Variants in UNC5B observed in about 807,000 individuals in gnomAD.
UNC5B encodes netrin receptor UNC5B.
UNC5B carries 56 observed loss-of-function variants against 103.7 expected under a neutral mutation model. The observed-to-expected ratio is 0.54, with a 90% CI of 0.44 to 0.67. The LOEUF (loss-of-function observed/expected upper bound fraction) is 0.67, where lower values mean the gene tolerates loss of function less well. Ranked by LOEUF, UNC5B falls within the 30% of genes least tolerant of loss-of-function variation. The pLI is 0.00. For missense variants in UNC5B, 1,194 were observed against 1,284.5 expected, an observed-to-expected ratio of 0.93 and a Z score of 1.08; for synonymous variants, 577 against 542.0, an observed-to-expected ratio of 1.06 and a Z score of -0.90.
chr10:71,249,767 C>T (rs1029199230), intron 1 of UNC5B, among the ~76,000 whole-genome samples: 1 of 152,146 alleles, frequency 6.6e-6, no homozygotes, highest in Non-Finnish European at 1.5e-5. Context: ...AAGGAAAAAC[C>T]AAGGCTGCAG....
intron 1 of UNC5B, among the ~76,000 whole-genome samples, chr10:71,225,118 A>T (rs899966715): frequency 6.6e-6 from 1 of 152,206 alleles, no homozygotes; most frequent in African/African-American, 2.4e-5. Context: ...TCTAAGGCCA[A>T]ATCTGTCTCT....
chr10:71,281,808 G>A (rs977611673), intron 2 of UNC5B, among the ~76,000 whole-genome samples: 9 of 152,332 alleles, frequency 5.9e-5, no homozygotes, highest in African/African-American at 1.4e-4. Context: ...GCCAGGTGGC[G>A]TACACATAGC....
intron 1 of UNC5B, among the ~76,000 whole-genome samples, chr10:71,226,647 C>T (rs1014417839): frequency 4.6e-5 from 7 of 152,254 alleles, no homozygotes; most frequent in Non-Finnish European, 8.8e-5. Flanking sequence ...CTCTGATCAG[C>T]AGCATCCAAT....
Position 71,291,735 on chromosome 10 carries a change from A to T in UNC5B, c.1598A>T (p.Gln533Leu). 6.2e-7 allele frequency: 1 copy of T among 1,611,732 alleles called. No individual in the cohort carries two copies. The change falls in exon 10 of 17, where the codon CAG becomes CTG. Residue 533 changes from glutamine (Q) to leucine (L), a missense_variant. Transcript: ENST00000335350. ...HLRSASLGSQ[Q>L]LLGLPRDPGS... Reference sequence around the variant, plus strand: ...CGCAGCGCCAGCCTCGGTTCCCAGCAGCTCTTGGGCCTGCCCCGAGACCCA... The same window carrying T: ...CGCAGCGCCAGCCTCGGTTCCCAGCTGCTCTTGGGCCTGCCCCGAGACCCA...
At chr10:71,269,663 C>T (rs1326532999) in intron 1 of UNC5B, among the ~76,000 whole-genome samples, 9 of 152,090 alleles carry the variant, frequency 5.9e-5, no homozygotes, top group African/African-American at 2.2e-4. Context: ...ATCTACACCG[C>T]AAACAAGATT....
At chr10:71,297,014 T>C (rs1326783611) in intron 15 of UNC5B, among the ~76,000 whole-genome samples, 1 of 142,604 alleles carries the variant, frequency 7.0e-6, no homozygotes. Flanking sequence ...CGGCCAGATA[T>C]TCCGGCTGCA....
intron 1 of UNC5B, among the ~76,000 whole-genome samples, chr10:71,239,335 T>A (rs1272493212): frequency 6.6e-6 from 1 of 151,644 alleles, no homozygotes; most frequent in Non-Finnish European, 1.5e-5. Context: ...CAGGAGAACC[T>A]CGTTATGAAG....
At chr10:71,257,902 C>T (rs1844328394) in intron 1 of UNC5B, among the ~76,000 whole-genome samples, 1 of 152,240 alleles carries the variant, frequency 6.6e-6, no homozygotes, top group South Asian at 2.1e-4. Context: ...CCTGCCTGTG[C>T]TAAAGCCGTT....
chr10:71,294,838 C>T (rs771550847), intron 13 of UNC5B, among the ~76,000 whole-genome samples: 2 of 152,058 alleles, frequency 1.3e-5, no homozygotes, highest in Non-Finnish European at 2.9e-5. Context: ...CGTGTTAGCA[C>T]CACTGTCCCC....
chr10:71,285,517 G>C, intron 4 of UNC5B, 88 bp downstream of exon 4: 1 of 1,206,024 alleles, frequency 8.3e-7, no homozygotes, highest in Non-Finnish European at 1.1e-6. Context: ...ACCAGCCATG[G>C]TGCTAGTCTC....
intron 1 of UNC5B, among the ~76,000 whole-genome samples, chr10:71,246,843 G>T (rs1844049353): frequency 6.6e-6 from 1 of 152,188 alleles, no homozygotes; most frequent in African/African-American, 2.4e-5. Context: ...TGACCAGCCG[G>T]CAGGCTCCCT....
chr10:71,298,211 C>T, intron 16 of UNC5B, 121 bp downstream of exon 16: 1 of 1,185,212 alleles, frequency 8.4e-7, no homozygotes, highest in Non-Finnish European at 1.2e-6. Flanking sequence ...CCTTTTGCCA[C>T]CATTTGTGGC....
chr10:71,240,477 G>A (rs1335396173), intron 1 of UNC5B, among the ~76,000 whole-genome samples: 3 of 152,246 alleles, frequency 2.0e-5, no homozygotes, highest in African/African-American at 7.2e-5. Flanking sequence ...ATAGGCACAG[G>A]CCGTGGGCAC....
At chr10:71,281,630 A>G (rs1247433917) in intron 2 of UNC5B, among the ~76,000 whole-genome samples, 1 of 152,174 alleles carries the variant, frequency 6.6e-6, no homozygotes, top group Non-Finnish European at 1.5e-5. Context: ...GTGAGCCACC[A>G]CACCCAGCTA....
intron 1 of UNC5B, among the ~76,000 whole-genome samples, chr10:71,219,485 TTTTC>T (rs1436387910): frequency 6.6e-6 from 1 of 152,054 alleles, no homozygotes; most frequent in Admixed American, 6.6e-5. Flanking sequence ...CTTTTCACGT[TTTTC>T]TGTCTGCTTA....
Position 71,299,450 on chromosome 10 carries a change from T to C in UNC5B, c.*173T>C. 2 of 730,380 alleles carry C rather than the reference T, an allele frequency of 2.7e-6. No homozygotes were observed. The highest frequency in any genetic ancestry group is 4.4e-6 in the Non-Finnish European group (2 of 456,280). 45.2% of individuals were successfully genotyped at this position (730,380 alleles called of 1,614,324 possible). ...ACCATGACCAGCCTTAGAAAATCCA[T>C]GTACTCTGTTGTTAGAGGGCCCAGA... On this transcript the variant is annotated 3_prime_UTR_variant, in exon 17 of 17. Transcript: ENST00000335350.
intron 1 of UNC5B, among the ~76,000 whole-genome samples, chr10:71,276,685 C>T (rs1380527976): frequency 6.6e-6 from 1 of 152,252 alleles, no homozygotes; most frequent in East Asian, 1.9e-4. Context: ...CCACCCACCT[C>T]GGCCTCCCAA....
intron 1 of UNC5B, among the ~76,000 whole-genome samples, chr10:71,245,809 G>T (rs1485375166): frequency 6.6e-6 from 1 of 152,156 alleles, no homozygotes; most frequent in Non-Finnish European, 1.5e-5. Context: ...CCACAAGCTG[G>T]TGTCCTCCCG....
chr10:71,298,101 C>A lies in UNC5B; in HGVS notation c.2672+11C>A, dbSNP rs377701163. ...GCTCTCTATGGACCGGTGAGTATCC[C>A]AAACCACAGCCCATCCCCATCTGCC... On this transcript the variant is annotated intron_variant, in intron 16 of 16. Coordinates refer to ENST00000335350, the MANE Select transcript of UNC5B (RefSeq NM_170744.5). The A allele has an allele frequency of 1.6e-5, 26 of 1,591,820 alleles. No individual in the cohort carries two copies. In the African/African-American group the frequency reaches 3.5e-4, roughly 21 times the overall value.
Sources: allele counts gnomAD v4.1 joint callset (sites outside exome capture counted in the v4.1 genomes callset), GRCh38; gene constraint gnomAD v4.1.1; transcripts MANE v1.5; gene names NCBI Gene and HGNC (gene_info 2026-07-23, HGNC 2026-07-21).